Variants in CNBD1 observed in about 807,000 individuals in gnomAD.
CNBD1 encodes the protein cyclic nucleotide binding domain containing 1.
Under a neutral mutation model 54.4 loss-of-function variants are expected in CNBD1, and 71 were observed. The observed-to-expected ratio is 1.30, with a 90% confidence interval of 1.08 to 1.59. CNBD1 has a LOEUF of 1.59. CNBD1 is among the 40% of genes most tolerant of loss of function. The pLI is 0.00. For missense variants in CNBD1, 659 were observed against 518.0 expected (o/e 1.27, Z -2.64); for synonymous variants, 182 against 170.7 (o/e 1.07, Z -0.51).
chr8:87,120,719 C>A (rs1405025085), intron 4 of CNBD1, among the ~76,000 whole-genome samples: 7 of 151,832 alleles, frequency 4.6e-5, no homozygotes, highest in African/African-American at 1.7e-4. Flanking sequence ...CCTGTTAGCA[C>A]TGTTTTTGCT....
chr8:87,003,257 T>G (rs748507405), intron 4 of CNBD1, among the ~76,000 whole-genome samples: 1 of 152,346 alleles, frequency 6.6e-6, no homozygotes, highest in African/African-American at 2.4e-5. Context: ...TATTTTAAAA[T>G]ATTTGTCTCA....
chr8:87,216,651 G>T (rs1054187017), intron 5 of CNBD1, among the ~76,000 whole-genome samples: 1 of 151,974 alleles, frequency 6.6e-6, no homozygotes, highest in Non-Finnish European at 1.5e-5. Flanking sequence ...TATGTTTGAG[G>T]ACTCTGAGTT....
At chr8:87,347,114 AG>A (rs1810190806) in intron 8 of CNBD1, among the ~76,000 whole-genome samples, 1 of 152,174 alleles carries the variant, frequency 6.6e-6, no homozygotes, top group Non-Finnish European at 1.5e-5. Flanking sequence ...TACTGCCTCC[AG>A]GGCTTTCTTA....
intron 8 of CNBD1, among the ~76,000 whole-genome samples, chr8:87,299,461 C>T (rs1808942972): frequency 6.6e-6 from 1 of 152,218 alleles, no homozygotes; most frequent in Admixed American, 6.5e-5. Flanking sequence ...CTCCTCACAG[C>T]ATTCCATCTT....
At chr8:87,159,760 T>C (rs1463696801) in intron 4 of CNBD1, among the ~76,000 whole-genome samples, 2 of 152,268 alleles carry the variant, frequency 1.3e-5, no homozygotes, top group Middle Eastern at 3.4e-3. Flanking sequence ...GGCTGCCAGT[T>C]CTTGGGTCTG....
chr8:87,361,802 G>T (rs187565717), intron 10 of CNBD1, among the ~76,000 whole-genome samples: 7 of 150,562 alleles, frequency 4.6e-5, no homozygotes, highest in Non-Finnish European at 1.0e-4. Flanking sequence ...TAGATGGGGG[G>T]GTAGAATTTG....
At chr8:87,270,080 T>C (rs376947685) in intron 6 of CNBD1, among the ~76,000 whole-genome samples, 2 of 151,980 alleles carry the variant, frequency 1.3e-5, no homozygotes, top group East Asian at 1.9e-4. Context: ...AGGCTTTTAT[T>C]CCTGGGGTAC....
intron 8 of CNBD1, among the ~76,000 whole-genome samples, chr8:87,304,452 C>G (rs1585997564): frequency 6.6e-6 from 1 of 151,148 alleles, no homozygotes; most frequent in East Asian, 1.9e-4. Context: ...CACATGGACA[C>G]AGGAAGGGGA....
intron 4 of CNBD1, among the ~76,000 whole-genome samples, chr8:87,047,923 C>A (rs1212139341): frequency 6.6e-6 from 1 of 152,104 alleles, no homozygotes; most frequent in Admixed American, 6.5e-5. Flanking sequence ...GATGGGTAGT[C>A]CTCACTCATT....
chr8:87,276,856 A>G (rs1424040769), intron 6 of CNBD1, among the ~76,000 whole-genome samples: 2 of 151,798 alleles, frequency 1.3e-5, no homozygotes, highest in Non-Finnish European at 2.9e-5. Flanking sequence ...TAGTGAATAG[A>G]ACTTACAGGA....
chr8:87,381,023 A>C (rs899142749), intron 10 of CNBD1, among the ~76,000 whole-genome samples: 2 of 152,070 alleles, frequency 1.3e-5, no homozygotes, highest in African/African-American at 4.8e-5. Context: ...CACAGGCAAC[A>C]AAAACAAACC....
intron 4 of CNBD1, among the ~76,000 whole-genome samples, chr8:86,980,776 T>A (rs1264414975): frequency 1.3e-5 from 2 of 152,214 alleles, no homozygotes. Flanking sequence ...AATCATGTAA[T>A]TAGGTAGACA....
At chr8:87,066,517 G>A (rs971512572) in intron 4 of CNBD1, among the ~76,000 whole-genome samples, 1 of 151,846 alleles carries the variant, frequency 6.6e-6, no homozygotes, top group Admixed American at 6.6e-5. Context: ...GAACACTTTG[G>A]AGATTTGGAT....
At chr8:87,377,105 C>T (rs1299482069) in intron 10 of CNBD1, among the ~76,000 whole-genome samples, 5 of 124,278 alleles carry the variant, frequency 4.0e-5, no homozygotes, top group East Asian at 2.3e-4. Context: ...TTTTATTTTT[C>T]GCAGATAATT....
At position 87,382,847 on chromosome 8, in the gene CNBD1, A is replaced by G. The variant is rs1351483429; in HGVS notation, c.*220A>G. On this transcript the variant is annotated 3_prime_UTR_variant, in exon 11 of 11. Coordinates refer to ENST00000518476, the MANE Select transcript of CNBD1 (RefSeq NM_173538.3). ...GGATACTAAAATAAATATAGTTATC[A>G]TTGCTTGATTTACCTCTGTTGATAC... is the stretch of plus-strand genomic sequence containing the variant. 2.2e-5 allele frequency: 9 copies of G among 418,092 alleles called. No individual in the cohort carries two copies. The highest frequency in any genetic ancestry group is 6.5e-5 in the South Asian group (1 of 15,402). 25.9% of individuals were successfully genotyped at this position (418,092 alleles called of 1,614,324 possible).
intron 8 of CNBD1, among the ~76,000 whole-genome samples, chr8:87,294,073 G>A (rs1250384691): frequency 6.6e-6 from 1 of 152,126 alleles, no homozygotes; most frequent in Non-Finnish European, 1.5e-5. Flanking sequence ...CAAAGTTTTA[G>A]GGGAATAGCA....
At chr8:87,398,079 C>T (rs181047820) in intron 2 of CNBD1, among the ~76,000 whole-genome samples, 134 of 151,654 alleles carry the variant, frequency 8.8e-4, no homozygotes, top group African/African-American at 3.1e-3. Context: ...TGGACTAATA[C>T]GTCATCAATT....
chr8:86,979,972 A>G (rs1047229128), intron 4 of CNBD1, among the ~76,000 whole-genome samples: 3 of 152,230 alleles, frequency 2.0e-5, no homozygotes, highest in African/African-American at 7.2e-5. Flanking sequence ...AGCTTCTACA[A>G]ATGCATATTA....
At position 87,003,524 on chromosome 8, in the gene CNBD1, G is replaced by T. The variant is rs544277056; in HGVS notation, c.431+63770G>T. On this transcript the variant is annotated intron_variant, in intron 4 of 10. Coordinates refer to ENST00000518476, the MANE Select transcript of CNBD1 (RefSeq NM_173538.3). ...TACTTAAATATTGTGAATTTTGTCA[G>T]TCCTTCTTTGTCAAGTAGGAGATAA... Among the ~76,000 whole-genome samples the T allele has an allele frequency of 2.0e-5, 3 of 152,266 alleles. No individual in the cohort carries two copies. In the East Asian group the frequency reaches 5.8e-4, roughly 29 times the overall value.
Sources: allele counts gnomAD v4.1 joint callset (sites outside exome capture counted in the v4.1 genomes callset), GRCh38; gene constraint gnomAD v4.1.1; transcripts MANE v1.5; gene names NCBI Gene and HGNC (gene_info 2026-07-23, HGNC 2026-07-21).